Variants in RAB3C observed in about 807,000 individuals in gnomAD.
RAB3C encodes the protein RAB3C, member RAS oncogene family.
A neutral mutation model predicts 26.4 loss-of-function variants in RAB3C; 17 were observed. The observed-to-expected ratio is 0.64, with a 90% confidence interval of 0.44 to 0.97. RAB3C has a LOEUF of 0.97. Among genes scored for constraint, RAB3C ranks in the 50% least tolerant of loss-of-function variants. The probability of loss-of-function intolerance (pLI) is 0.00; values close to 1 mark genes in which losing one functional copy is unlikely to be tolerated. For synonymous variants in RAB3C, 91 were observed against 95.9 expected (o/e 0.95, Z 0.30); for missense variants, 242 against 281.9 (o/e 0.86, Z 1.01).
intron 2 of RAB3C, among the ~76,000 whole-genome samples, chr5:58,621,749 T>A (rs1333985430): frequency 6.6e-6 from 1 of 152,068 alleles, no homozygotes; most frequent in East Asian, 1.9e-4. Flanking sequence ...TTAATTTTTA[T>A]ATTTTTAGGG....
chr5:58,591,832 C>CT (rs1244598094), intron 1 of RAB3C, among the ~76,000 whole-genome samples: 1 of 144,102 alleles, frequency 6.9e-6, no homozygotes, highest in Non-Finnish European at 1.5e-5. Flanking sequence ...TTTTTATATT[C>CT]TTTTTTGCTT....
In RAB3C at chr5:58,596,721, TATAATACATAATATATAAATATATAATAC is replaced by T. The variant is rs1561259990; in HGVS notation, c.24+13496_24+13524del. Among the ~76,000 whole-genome samples the T allele has an allele frequency of 6.8e-3, 256 of 37,456 alleles. 8 individuals carry two copies. Among genetic ancestry groups the T allele is most frequent in the Admixed American group, 0.012 (27 of 2,332 alleles). The allele number at this position is 37,456 out of a possible 152,430, so 24.6% of individuals were successfully genotyped here. A position where few individuals can be genotyped will look rare whatever the true frequency, so the allele number is the denominator to read the frequency against. ...ATATATTATATATAAATATATAATA[TATAATACATAATATATAAATATATAATAC>T]ATAATATATAAATATATAATATATA... On this transcript the variant is annotated intron_variant, in intron 1 of 4. Coordinates refer to ENST00000282878, the MANE Select transcript of RAB3C (RefSeq NM_138453.4).
At chr5:58,692,186 A>T (rs1214376161) in intron 2 of RAB3C, among the ~76,000 whole-genome samples, 1 of 152,226 alleles carries the variant, frequency 6.6e-6, no homozygotes, top group Non-Finnish European at 1.5e-5. Context: ...ATCTTAAAAT[A>T]TAGCCACGTC....
chr5:58,613,956 G>A (rs1012316439), intron 1 of RAB3C, among the ~76,000 whole-genome samples: 2 of 152,032 alleles, frequency 1.3e-5, no homozygotes, highest in African/African-American at 4.8e-5. Flanking sequence ...CTTCTTCACA[G>A]CATAGTAAAC....
chr5:58,851,456 G>A lies in RAB3C; in HGVS notation c.*105G>A, dbSNP rs895417925. On this transcript the variant is annotated 3_prime_UTR_variant, in exon 5 of 5. Coordinates refer to ENST00000282878, the MANE Select transcript of RAB3C (RefSeq NM_138453.4). ...TTATACTGCCTAACAATTATTTGAA[G>A]GAATAAATTGATGTCAATGGCTCGT... 4.0e-5 allele frequency: 37 copies of A among 925,388 alleles called. No individual in the cohort carries two copies. Among genetic ancestry groups the A allele is most frequent in the Non-Finnish European group, 4.9e-5 (31 of 636,806 alleles). The allele number at this position is 925,388 out of a possible 1,614,324, so 57.3% of individuals were successfully genotyped here.
intron 1 of RAB3C, among the ~76,000 whole-genome samples, chr5:58,587,155 A>G (rs1388349117): frequency 6.6e-6 from 1 of 152,208 alleles, no homozygotes; most frequent in African/African-American, 2.4e-5. Flanking sequence ...TATAGCAAAA[A>G]TTCACTTTTG....
At chr5:58,802,148 G>T (rs56038053) in intron 3 of RAB3C, among the ~76,000 whole-genome samples, 1 of 152,158 alleles carries the variant, frequency 6.6e-6, no homozygotes, top group East Asian at 1.9e-4. Flanking sequence ...TACTGTATTT[G>T]AAAGTTAGAA....
chr5:58,745,385 T>C (rs1741377809), intron 3 of RAB3C, among the ~76,000 whole-genome samples: 2 of 110,578 alleles, frequency 1.8e-5, no homozygotes, highest in Non-Finnish European at 3.3e-5. Flanking sequence ...TGAGCGAGAC[T>C]CTGCTTCAAA....
intron 3 of RAB3C, among the ~76,000 whole-genome samples, chr5:58,789,297 A>G (rs1157079617): frequency 1.3e-5 from 2 of 152,128 alleles, no homozygotes; most frequent in African/African-American, 4.8e-5. Context: ...AGTGAATGAC[A>G]GAAGCTTGAG....
At chr5:58,850,543 G>C (rs186365900) in intron 4 of RAB3C, among the ~76,000 whole-genome samples, 1 of 152,156 alleles carries the variant, frequency 6.6e-6, no homozygotes, top group Non-Finnish European at 1.5e-5. Flanking sequence ...CTCTCAGACC[G>C]ATCATTAGGC....
chr5:58,672,501 TCCAGCATTC>T (rs1748141112), intron 2 of RAB3C, among the ~76,000 whole-genome samples: 1 of 152,216 alleles, frequency 6.6e-6, no homozygotes, highest in Non-Finnish European at 1.5e-5. Context: ...CATATCTATG[TCCAGCATTC>T]CCATCTTCAG....
chr5:58,724,388 A>G (rs1740836340), intron 2 of RAB3C, among the ~76,000 whole-genome samples: 2 of 151,794 alleles, frequency 1.3e-5, no homozygotes, highest in African/African-American at 2.4e-5. Context: ...AAACATACAT[A>G]CAAAGCAGGT....
At chr5:58,763,280 T>TTTAA (rs1741834174) in intron 3 of RAB3C, among the ~76,000 whole-genome samples, 1 of 152,198 alleles carries the variant, frequency 6.6e-6, no homozygotes, top group South Asian at 2.1e-4. Flanking sequence ...AAGCATCTAG[T>TTTAA]TTAAGCTTTG....
intron 3 of RAB3C, among the ~76,000 whole-genome samples, chr5:58,764,890 A>G (rs1003229104): frequency 6.6e-5 from 10 of 152,182 alleles, no homozygotes; most frequent in African/African-American, 2.4e-4. Context: ...CCTGTTATCT[A>G]TTATGATCTT....
intron 4 of RAB3C, among the ~76,000 whole-genome samples, chr5:58,845,612 A>ATATATATATATGTGTGTGTGTGTGTG: frequency 7.5e-4 from 61 of 81,690 alleles, no homozygotes; most frequent in African/African-American, 1.3e-3. Flanking sequence ...ATATATATAT[A>ATATATATATATGTGTGTGTGTGTGTG]TGTGTGTGTG....
At chr5:58,606,443 A>G (rs1746572627) in intron 1 of RAB3C, among the ~76,000 whole-genome samples, 1 of 152,218 alleles carries the variant, frequency 6.6e-6, no homozygotes, top group African/African-American at 2.4e-5. Context: ...CTGCCTCTAT[A>G]GACTCCCCCT....
intron 2 of RAB3C, among the ~76,000 whole-genome samples, chr5:58,652,884 T>C (rs1388131054): frequency 4.6e-5 from 7 of 152,194 alleles, no homozygotes; most frequent in Admixed American, 4.6e-4. Context: ...AGATAAACTT[T>C]AGAAAAATTC....
In RAB3C at chr5:58,633,624, C is replaced by T. The variant is rs1429426709; in HGVS notation, c.252+15754C>T. Among the ~76,000 whole-genome samples, 9 of 152,182 alleles carry T rather than the reference C, an allele frequency of 5.9e-5. No homozygotes were observed. In the South Asian group the frequency reaches 1.0e-3, roughly 18 times the overall value. ...ATTAAGAGATACATGAATAATCTAT[C>T]GTTCAGATTTTGATTTTTCTTAACT... On this transcript the variant is annotated intron_variant, in intron 2 of 4. Coordinates refer to ENST00000282878, the MANE Select transcript of RAB3C (RefSeq NM_138453.4).
chr5:58,658,385 T>A (rs1439207072), intron 2 of RAB3C, among the ~76,000 whole-genome samples: 3 of 152,132 alleles, frequency 2.0e-5, no homozygotes, highest in African/African-American at 7.2e-5. Context: ...CGATGGGGTT[T>A]TCTAGATATG....
Sources: allele counts gnomAD v4.1 joint callset (sites outside exome capture counted in the v4.1 genomes callset), GRCh38; gene constraint gnomAD v4.1.1; transcripts MANE v1.5; gene names NCBI Gene and HGNC (gene_info 2026-07-23, HGNC 2026-07-21).